The following MCF2 variants were observed in gnomAD, a reference collection of about 807,000 sequenced individuals.
MCF2 encodes MCF.2 cell line derived transforming sequence.
MCF2 carries 44 observed loss-of-function variants against 82.5 expected under a neutral mutation model. The ratio of observed to expected loss-of-function variants is 0.53; its 90% confidence interval spans 0.42 to 0.69. The LOEUF is 0.69. Among genes scored for constraint, MCF2 ranks in the 30% least tolerant of loss-of-function variants. The pLI is 0.00. For missense variants in MCF2, 623 were observed against 663.1 expected (o/e 0.94, Z 0.66); for synonymous variants, 217 against 224.9 (o/e 0.96, Z 0.32).
chrX:139,633,793 G>A (rs1933047112), intron 1 of MCF2, among the ~76,000 whole-genome samples: 1 of 111,436 alleles, frequency 9.0e-6, no homozygotes, highest in Non-Finnish European at 1.9e-5. Context: ...AGACAGATGA[G>A]CTAGGAGGCT....
intron 2 of MCF2, among the ~76,000 whole-genome samples, chrX:139,648,173 A>G (rs1933866165): frequency 9.0e-6 from 1 of 111,271 alleles, no homozygotes; most frequent in Admixed American, 9.6e-5. Flanking sequence ...GGAGTACAAG[A>G]CCAGCCTGGC....
At chrX:139,665,729 G>A (rs1174873796) in intron 1 of MCF2, among the ~76,000 whole-genome samples, 1 of 108,555 alleles carries the variant, frequency 9.2e-6, no homozygotes, top group Non-Finnish European at 1.9e-5. Context: ...GGTATGATTG[G>A]TGGGGCCTTC....
At position 139,602,272 on chromosome X, in the gene MCF2, G is replaced by A. The variant is rs1026565813; in HGVS notation, c.1836+134C>T. On this transcript the variant is annotated intron_variant, in intron 16 of 24. Coordinates refer to ENST00000370576, the Ensembl canonical transcript of MCF2. ...ATGTGTTTGTGTGTGTTGGGGGGGA[G>A]GGTGGATTTGCTCTTTAACTCATAT... 1.1e-4 allele frequency: 53 copies of A among 500,354 alleles called. No homozygotes were observed. In the East Asian group the frequency reaches 1.8e-3, roughly 17 times the overall value. The allele number at this position is 500,354 out of a possible 1,213,427, so 41.2% of individuals were successfully genotyped here.
intron 1 of MCF2, among the ~76,000 whole-genome samples, chrX:139,662,400 A>T (rs971673905): frequency 1.8e-5 from 2 of 111,062 alleles, no homozygotes; most frequent in African/African-American, 6.6e-5. Flanking sequence ...CAAATTAACC[A>T]AAACAGTCTC....
chrX:139,688,829 T>G (rs745720718), intron 1 of MCF2, among the ~76,000 whole-genome samples: 2 of 111,646 alleles, frequency 1.8e-5, no homozygotes, highest in East Asian at 5.6e-4. Flanking sequence ...AGAACTTCAG[T>G]GCCAGGAGAT....
exon 14 of MCF2, chrX:139,604,983 C>A: frequency 4.7e-6 from 5 of 1,064,576 alleles, no homozygotes; most frequent in Admixed American, 2.7e-5. Context: ...CGCTCTATAA[C>A]CCTACCCAAA....
chrX:139,643,889 GAAAATT>G (rs1256888121), upstream of MCF2, among the ~76,000 whole-genome samples: 1 of 111,536 alleles, frequency 9.0e-6, no homozygotes, highest in Non-Finnish European at 1.9e-5. Flanking sequence ...GTCACAAAAT[GAAAATT>G]AATTTAATCA....
intron 6 of MCF2, among the ~76,000 whole-genome samples, chrX:139,625,819 T>C (rs2043295729): frequency 2.7e-5 from 3 of 111,958 alleles, no homozygotes; most frequent in Admixed American, 9.6e-5. Flanking sequence ...ATGGTCAGCA[T>C]AGGTACATGG....
At chrX:139,638,951 T>C (rs1179681709) in intron 1 of MCF2, among the ~76,000 whole-genome samples, 2 of 111,467 alleles carry the variant, frequency 1.8e-5, no homozygotes, top group African/African-American at 3.3e-5. Context: ...TTTCTCTATA[T>C]ACCAATATTT....
At chrX:139,617,990 T>A (rs1324442269) in intron 7 of MCF2, among the ~76,000 whole-genome samples, 3 of 110,924 alleles carry the variant, frequency 2.7e-5, no homozygotes, top group African/African-American at 9.8e-5. Context: ...ACACACAGAA[T>A]GTGGGTGAGA....
At chrX:139,672,431 G>C (rs1317109838) in intron 1 of MCF2, among the ~76,000 whole-genome samples, 1 of 112,552 alleles carries the variant, frequency 8.9e-6, no homozygotes, top group African/African-American at 3.2e-5. Context: ...TGCCCATTCA[G>C]TATGACATTG....
Position 139,595,151 on chromosome X carries a change from T to C in MCF2, c.2277+1398A>G, listed in dbSNP as rs1336910442. ...GTGGGACTGTAAACTAGTTCAACCA[T>C]TGTGGAAGTCAGTGTGGCGATTCCT... On this transcript the variant is annotated intron_variant, in intron 19 of 24. Coordinates refer to ENST00000370576, the Ensembl canonical transcript of MCF2. 3.1e-3 allele frequency among the ~76,000 whole-genome samples: 337 copies of C among 108,927 alleles called. 2 individuals carry two copies. Among genetic ancestry groups the C allele is most frequent in the African/African-American group, 0.01 (312 of 29,804 alleles). The allele number at this position is 108,927 out of a possible 115,157, so 94.6% of individuals were successfully genotyped here. A position where few individuals can be genotyped will look rare whatever the true frequency, so the allele number is the denominator to read the frequency against.
intron 1 of MCF2, among the ~76,000 whole-genome samples, chrX:139,655,702 T>G (rs1410993278): frequency 2.7e-5 from 3 of 111,151 alleles, no homozygotes; most frequent in Non-Finnish European, 5.7e-5. Context: ...AGCAGACCCC[T>G]GTGTGTGATG....
At chrX:139,644,839 G>T (rs1933746152), upstream of MCF2, among the ~76,000 whole-genome samples, 1 of 112,029 alleles carries the variant, frequency 8.9e-6, no homozygotes, top group African/African-American at 3.2e-5. Context: ...TTGGCCACAT[G>T]GCACTTCCAC....
At chrX:139,699,335 T>C (rs948917153) in intron 1 of MCF2, among the ~76,000 whole-genome samples, 10 of 112,362 alleles carry the variant, frequency 8.9e-5, no homozygotes, top group African/African-American at 3.2e-4. Flanking sequence ...ATAGTTTTTA[T>C]TGTAACAGCA....
intron 1 of MCF2, among the ~76,000 whole-genome samples, chrX:139,673,298 T>A (rs1188932284): frequency 8.9e-6 from 1 of 111,950 alleles, no homozygotes; most frequent in Non-Finnish European, 1.9e-5. Context: ...TGAAGGGTTT[T>A]TTGCATCTCT....
At chrX:139,628,666 C>T (rs1186415675) in intron 4 of MCF2, among the ~76,000 whole-genome samples, 1 of 111,971 alleles carries the variant, frequency 8.9e-6, no homozygotes, top group Non-Finnish European at 1.9e-5. Flanking sequence ...AATTTAAACA[C>T]ATATCTCTAT....
intron 10 of MCF2, among the ~76,000 whole-genome samples, chrX:139,612,486 T>C (rs1490631943): frequency 3.6e-5 from 4 of 110,188 alleles, no homozygotes; most frequent in Non-Finnish European, 7.6e-5. Context: ...ATTTATTACA[T>C]CTTGCTAAGT....
At chrX:139,632,374 T>C (rs756380388) in exon 2 of MCF2, 6 of 1,200,462 alleles carry the variant, frequency 5.0e-6, no homozygotes, top group Non-Finnish European at 5.6e-6. Flanking sequence ...TAAACCAAAA[T>C]CCAATGTCTG....
Sources: allele counts gnomAD v4.1 joint callset (sites outside exome capture counted in the v4.1 genomes callset), GRCh38; gene constraint gnomAD v4.1.1; transcripts MANE v1.5; gene names NCBI Gene and HGNC (gene_info 2026-07-23, HGNC 2026-07-21).